LARGE1: variants seen among roughly 807,000 people sequenced by gnomAD.
LARGE1 encodes LARGE xylosyl- and glucuronyltransferase 1, also known as xylosyl- and glucuronyltransferase LARGE1.
A neutral mutation model predicts 87.6 loss-of-function variants in LARGE1; 43 were observed. The observed-to-expected ratio is 0.49, with a 90% CI of 0.38 to 0.63. LARGE1 has a LOEUF of 0.63. LARGE1 is among the 30% of genes least tolerant of loss of function. The pLI is 0.00. For missense variants in LARGE1, 802 were observed against 1,000.2 expected (o/e 0.80, Z 2.67); for synonymous variants, 434 against 394.6 (o/e 1.10, Z -1.18).
intron 6 of LARGE1, among the ~76,000 whole-genome samples, chr22:33,436,255 T>G (rs2067267613): frequency 6.6e-6 from 1 of 152,194 alleles, no homozygotes; most frequent in African/African-American, 2.4e-5. Context: ...ACATGTTAAG[T>G]TCTTAGAACA....
chr22:33,373,616 T>C (rs2064891631), intron 9 of LARGE1, among the ~76,000 whole-genome samples: 1 of 149,950 alleles, frequency 6.7e-6, no homozygotes, highest in South Asian at 2.1e-4. Flanking sequence ...CTCCTTTAAG[T>C]TTTCCATTCC....
In LARGE1 at chr22:33,632,419, T is replaced by C. The variant is rs562399708; in HGVS notation, c.409-6093A>G. 2.2e-3 allele frequency among the ~76,000 whole-genome samples: 335 copies of C among 152,278 alleles called. 1 individual carries two copies. Among genetic ancestry groups the C allele is most frequent in the African/African-American group, 7.8e-3 (323 of 41,556 alleles). Reference sequence around the variant, plus strand: ...GATTACAGGCATGAGCCACCGTGCCTGGTTGAGTCTGACCTTTGTAGACCA... The same window carrying C: ...GATTACAGGCATGAGCCACCGTGCCCGGTTGAGTCTGACCTTTGTAGACCA... On this transcript the variant is annotated intron_variant, in intron 3 of 14. Coordinates refer to ENST00000397394, the MANE Select transcript of LARGE1 (RefSeq NM_133642.5).
intron 1 of LARGE1, among the ~76,000 whole-genome samples, chr22:33,797,691 C>T (rs1323575192): frequency 6.6e-6 from 1 of 152,218 alleles, no homozygotes; most frequent in African/African-American, 2.4e-5. Context: ...CCCTCACCTG[C>T]ATAAGCCAGT....
intron 6 of LARGE1, among the ~76,000 whole-genome samples, chr22:33,562,574 C>A (rs1223457961): frequency 6.6e-6 from 1 of 152,202 alleles, no homozygotes; most frequent in African/African-American, 2.4e-5. Context: ...ATATACCCTA[C>A]TCAACCCCAG....
chr22:33,876,832 T>C (rs1459539290), intron 1 of LARGE1, among the ~76,000 whole-genome samples: 2 of 146,482 alleles, frequency 1.4e-5, no homozygotes, highest in African/African-American at 5.1e-5. Context: ...AAAAAATAAA[T>C]AAATAAAATA....
At chr22:33,089,029 C>T in the LARGE1 span, among the ~76,000 whole-genome samples, 38 of 152,276 alleles carry the variant, frequency 2.5e-4, no homozygotes, top group East Asian at 1.9e-4. Context: ...TTTCGTGATT[C>T]CTTTCCATCT....
chr22:33,499,941 A>G (rs2070348594), intron 6 of LARGE1, among the ~76,000 whole-genome samples: 1 of 151,976 alleles, frequency 6.6e-6, no homozygotes, highest in Admixed American at 6.6e-5. Context: ...GTTTGGCTAC[A>G]TTTTGTATTT....
chr22:33,396,413 C>T (rs1431242416), intron 7 of LARGE1, among the ~76,000 whole-genome samples: 2 of 147,540 alleles, frequency 1.4e-5, no homozygotes, highest in Non-Finnish European at 3.0e-5. Context: ...ATTATTTCTT[C>T]CTGAAAGCTT....
At position 33,541,068 on chromosome 22, in the gene LARGE1, CG is replaced by C. The variant is rs2077187074; in HGVS notation, c.787+23779del. 4.9e-4 allele frequency among the ~76,000 whole-genome samples: 6 copies of C among 12,332 alleles called. No individual in the cohort carries two copies. The Admixed American group carries it at 7.3e-3, about 15-fold the overall frequency. The allele number at this position is 12,332 out of a possible 152,430, so 8.1% of individuals were successfully genotyped here. ...GTGGTGGGTTGCGGGGGGGGGGGGGCGGGGGGCGGGTTGCAGGGGGAGAATC... is the reference window on the plus strand; with the variant it reads ...GTGGTGGGTTGCGGGGGGGGGGGGGCGGGGGCGGGTTGCAGGGGGAGAATC... On this transcript the variant is annotated intron_variant, in intron 6 of 14. Coordinates refer to ENST00000397394, the MANE Select transcript of LARGE1 (RefSeq NM_133642.5).
At chr22:33,581,765 T>C (rs1478809053) in intron 5 of LARGE1, among the ~76,000 whole-genome samples, 1 of 150,100 alleles carries the variant, frequency 6.7e-6, no homozygotes, top group Non-Finnish European at 1.5e-5. Flanking sequence ...TGAGCCGAGA[T>C]TGTGCCATTG....
intron 2 of LARGE1, among the ~76,000 whole-genome samples, chr22:33,728,389 AT>A (rs1411682880): frequency 6.6e-6 from 1 of 151,862 alleles, no homozygotes; most frequent in Non-Finnish European, 1.5e-5. Flanking sequence ...AAATACAAAA[AT>A]TAGCCAGGCA....
chr22:33,450,234 A>G (rs2067855099), intron 6 of LARGE1, among the ~76,000 whole-genome samples: 1 of 152,120 alleles, frequency 6.6e-6, no homozygotes, highest in African/African-American at 2.4e-5. Context: ...CTTTTAAAAA[A>G]TTTGATGCAG....
At chr22:33,429,772 C>T (rs980335404) in intron 7 of LARGE1, among the ~76,000 whole-genome samples, 1 of 151,990 alleles carries the variant, frequency 6.6e-6, no homozygotes, top group African/African-American at 2.4e-5. Context: ...TTGGAGGGAA[C>T]GTGTCTGAAA....
At chr22:33,093,091 C>T in the LARGE1 span, among the ~76,000 whole-genome samples, 1 of 152,214 alleles carries the variant, frequency 6.6e-6, no homozygotes, top group African/African-American at 2.4e-5. Context: ...TTCAAATAAA[C>T]TGTGAACTTA....
rs188386961 is a variant in LARGE1 at position 33,844,743 on chromosome 22, G to A, written c.-83+75252C>T. Among the ~76,000 whole-genome samples, 176 of 149,492 alleles carry A rather than the reference G, an allele frequency of 1.2e-3. 1 individual carries two copies. Among genetic ancestry groups the A allele is most frequent in the African/African-American group, 3.9e-3 (158 of 40,632 alleles). On this transcript the variant is annotated intron_variant, in intron 1 of 14. Coordinates refer to ENST00000397394, the MANE Select transcript of LARGE1 (RefSeq NM_133642.5). ...CAAACTTTTTTTTTTTTTTTGAGAC[G>A]GAGTTTGGCTCTTGTTGCCCAGGCT... is the stretch of plus-strand genomic sequence containing the variant.
At chr22:33,673,208 G>C (rs895715103) in intron 2 of LARGE1, among the ~76,000 whole-genome samples, 1 of 152,174 alleles carries the variant, frequency 6.6e-6, no homozygotes, top group Admixed American at 6.5e-5. Context: ...CTGAGAGACG[G>C]AGGTTGCAGG....
chr22:33,608,700 G>A (rs1014807923), intron 4 of LARGE1, among the ~76,000 whole-genome samples: 10 of 152,142 alleles, frequency 6.6e-5, no homozygotes, highest in African/African-American at 2.4e-4. Context: ...AGCATAGGAG[G>A]GCAGAAACAG....
intron 5 of LARGE1, among the ~76,000 whole-genome samples, chr22:33,587,804 T>A (rs1442957245): frequency 3.9e-5 from 6 of 152,160 alleles, no homozygotes; most frequent in Admixed American, 3.3e-4. Flanking sequence ...TTTTCATATT[T>A]TTCTTCTAGT....
chr22:33,418,716 G>A lies in LARGE1; in HGVS notation c.892+13445C>T, dbSNP rs557731488. Among the ~76,000 whole-genome samples the A allele has an allele frequency of 1.0e-3, 135 of 132,142 alleles. 4 individuals carry two copies. In the South Asian group the frequency reaches 0.028, roughly 28 times the overall value. The allele number at this position is 132,142 out of a possible 152,430, so 86.7% of individuals were successfully genotyped here. A position where few individuals can be genotyped will look rare whatever the true frequency, so the allele number is the denominator to read the frequency against. On this transcript the variant is annotated intron_variant, in intron 7 of 14. Coordinates refer to ENST00000397394, the MANE Select transcript of LARGE1 (RefSeq NM_133642.5). ...GGGGCCAGAGTGGCTGGAGGGAGGC[G>A]GCTGGAGTGAGCAGGGAAGAGGAGG...
Sources: allele counts gnomAD v4.1 joint callset (sites outside exome capture counted in the v4.1 genomes callset), GRCh38; gene constraint gnomAD v4.1.1; transcripts MANE v1.5; gene names NCBI Gene and HGNC (gene_info 2026-07-23, HGNC 2026-07-21).